Variants in EPHA8 observed in about 807,000 individuals in gnomAD.
The protein encoded by EPHA8 is ephrin type-A receptor 8.
In EPHA8, 58 loss-of-function variants were observed where a neutral mutation model predicts 103.6. The observed-to-expected ratio is 0.56, with a 90% CI of 0.45 to 0.70. The LOEUF (loss-of-function observed/expected upper bound fraction) is 0.70. Ranked by LOEUF, EPHA8 falls within the 30% of genes least tolerant of loss-of-function variation. The probability of loss-of-function intolerance (pLI) is 0.00; values close to 1 mark genes in which losing one functional copy is unlikely to be tolerated. For synonymous variants in EPHA8, 559 were observed against 572.5 expected (o/e 0.98, Z 0.34); for missense variants, 1,304 against 1,395.2 (o/e 0.93, Z 1.04).
intron 3 of EPHA8, among the ~76,000 whole-genome samples, chr1:22,584,092 C>T (rs1363333919): frequency 6.6e-6 from 1 of 152,252 alleles, no homozygotes; most frequent in East Asian, 1.9e-4. Context: ...GTGAGGATTA[C>T]TGTCATTCAG....
chr1:22,579,947 C>A (rs1041136382), intron 3 of EPHA8, among the ~76,000 whole-genome samples: 1 of 151,980 alleles, frequency 6.6e-6, no homozygotes, highest in Non-Finnish European at 1.5e-5. Flanking sequence ...GGCCCCTGAG[C>A]GCTAATAGGA....
intron 16 of EPHA8, 44 bp from the exon 17 acceptor site, chr1:22,601,583 C>T (rs1168412218): frequency 1.9e-6 from 3 of 1,582,514 alleles, no homozygotes; most frequent in Non-Finnish European, 1.7e-6. Flanking sequence ...GCGCGGCTCC[C>T]AGCCTCCCAG....
chr1:22,601,662 A>C lies in EPHA8; in HGVS notation c.2939A>C (p.His980Pro). ...GCCCTGGGCATCACCCTCATGGGCC[A>C]CCAGAAGAAGATCCTGGGCAGCATT... ...VRALGITLMG[H>P]QKKILGSIQT... Residue 980 changes from histidine to proline, a missense_variant, in exon 17 of 17, where the codon CAC (histidine) becomes CCC (proline). His to Pro is a moderately conservative substitution (Grantham distance 77). Coordinates refer to ENST00000166244, the MANE Select transcript of EPHA8 (RefSeq NM_020526.5). 6.3e-7 allele frequency: 1 copy of C among 1,595,366 alleles called. No homozygotes were observed. Among genetic ancestry groups the C allele is most frequent in the Non-Finnish European group, 8.5e-7 (1 of 1,171,142 alleles).
At chr1:22,583,113 G>A (rs908101203) in intron 3 of EPHA8, among the ~76,000 whole-genome samples, 1 of 152,214 alleles carries the variant, frequency 6.6e-6, no homozygotes, top group Non-Finnish European at 1.5e-5. Flanking sequence ...TGGGCAAGGT[G>A]CCCTCAGCAG....
At position 22,598,960 on chromosome 1, in the gene EPHA8, G is replaced by A. The variant is rs748197895; in HGVS notation, c.2301G>A (p.Leu767=). The A allele has an allele frequency of 8.2e-5, 132 of 1,611,360 alleles. 1 individual carries two copies. In the South Asian group the frequency reaches 1.3e-3, roughly 16 times the overall value. ...VHRDLAARNV[L]VDSNLVCKVS... is the part of the protein sequence containing the mutation. ...GAGACCTGGCCGCCCGCAACGTCCT[G>A]GTTGACAGCAACCTGGTCTGCAAGG... The change falls in exon 13 of 17, where the codon CTG becomes CTA. Residue 767 remains leucine (L), a synonymous_variant. Coordinates refer to ENST00000166244, the MANE Select transcript of EPHA8 (RefSeq NM_020526.5). The surrounding 1 kb of genome is among the most constrained non-coding windows in gnomAD (Gnocchi z 5.1).
chr1:22,597,252 A>C lies in EPHA8; in HGVS notation c.1766-60A>C. The C allele has an allele frequency of 5.1e-5, 66 of 1,287,416 alleles. No homozygotes were observed. Among genetic ancestry groups the C allele is most frequent in the Non-Finnish European group, 5.2e-5 (48 of 922,978 alleles). The allele number at this position is 1,287,416 out of a possible 1,614,324, so 79.7% of individuals were successfully genotyped here. ...CCCCAGACCCATCCCAGGCCCAGGG[A>C]ATGTCAGGAAAAAGCAATCTCTCCT... On this transcript the variant is annotated intron_variant, in intron 9 of 16. Coordinates refer to ENST00000166244, the MANE Select transcript of EPHA8 (RefSeq NM_020526.5). This position sits in a 1 kb window ranked among gnomAD's most constrained non-coding sequence, Gnocchi z 4.6.
At position 22,597,111 on chromosome 1, in the gene EPHA8, G is replaced by T. The variant is rs1168398214; in HGVS notation, c.1766-201G>T. Among the ~76,000 whole-genome samples, 9 of 152,088 alleles carry T rather than the reference G, an allele frequency of 5.9e-5. No homozygotes were observed. The highest frequency in any genetic ancestry group is 9.7e-5 in the African/African-American group (4 of 41,416). On this transcript the variant is annotated intron_variant, in intron 9 of 16. Transcript: ENST00000166244. The surrounding 1 kb of genome is among the most constrained non-coding windows in gnomAD (Gnocchi z 4.6). ...CCCAGAACTCACTGGAGACTCCACA[G>T]CCCCATAGAAACCCCAGAGCGACTC...
chr1:22,575,962 A>G (rs1640677900), intron 2 of EPHA8, among the ~76,000 whole-genome samples: 1 of 151,992 alleles, frequency 6.6e-6, no homozygotes, highest in Admixed American at 6.6e-5. Context: ...CGATAATGAC[A>G]TGACCTCAGA....
chr1:22,583,486 G>C (rs917886995), intron 3 of EPHA8, among the ~76,000 whole-genome samples: 1 of 152,130 alleles, frequency 6.6e-6, no homozygotes, highest in Non-Finnish European at 1.5e-5. Context: ...AGGCTCCCCC[G>C]CCTGACTGCA....
intron 3 of EPHA8, 102 bp from the exon 4 acceptor site, chr1:22,586,378 C>T (rs1205935187): frequency 7.7e-6 from 11 of 1,435,306 alleles, no homozygotes; most frequent in Non-Finnish European, 1.0e-5. Context: ...CTCCATCCCT[C>T]TGGGGCACCC....
chr1:22,578,884 CGT>C (rs1640921609), intron 3 of EPHA8, among the ~76,000 whole-genome samples: 4 of 135,034 alleles, frequency 3.0e-5, no homozygotes, highest in Admixed American at 2.9e-4. Context: ...TCCGTGTGTC[CGT>C]GTGTGCATGT....
At chr1:22,564,228 C>G (rs895827473) in intron 1 of EPHA8, among the ~76,000 whole-genome samples, 2 of 151,448 alleles carry the variant, frequency 1.3e-5, no homozygotes, top group Non-Finnish European at 2.9e-5. Context: ...AGATAGGAGC[C>G]AGGCGCTGAG....
chr1:22,589,139 TG>T lies in EPHA8; in HGVS notation c.1250del (p.Gly417AlafsTer5). 1 of 1,613,900 alleles carries T rather than the reference TG, an allele frequency of 6.2e-7. No homozygotes were observed. Among genetic ancestry groups the T allele is most frequent in the Non-Finnish European group, 8.5e-7 (1 of 1,180,004 alleles). On this transcript the variant is annotated frameshift_variant, in exon 5 of 17. Coordinates refer to ENST00000166244, the MANE Select transcript of EPHA8 (RefSeq NM_020526.5). LOFTEE classifies it high-confidence loss of function. The surrounding 1 kb of genome is among the most constrained non-coding windows in gnomAD (Gnocchi z 4.3). The stretch of plus-strand genomic sequence containing the variant: ...ACTCCTTCTGGATCGAGGCCGTCAA[TG>T]GCGTGTCCGACCTGAGCCCCGAGCC... Reference protein sequence around the residue: ...NYSFWIEAVNGVSDLSPEPRR... With the variant: ...NYSFWIEAVNXVSDLSPEPRR...
At chr1:22,572,304 C>T (rs1467574744) in intron 2 of EPHA8, among the ~76,000 whole-genome samples, 3 of 152,250 alleles carry the variant, frequency 2.0e-5, no homozygotes, top group Admixed American at 1.3e-4. Context: ...TTACTTACTT[C>T]GCCTCCACCT....
chr1:22,578,739 A>G (rs1384019781), intron 3 of EPHA8, among the ~76,000 whole-genome samples: 1 of 145,352 alleles, frequency 6.9e-6, no homozygotes, highest in Non-Finnish European at 1.5e-5. Flanking sequence ...GTGCAAGTGT[A>G]TGTACGGATT....
chr1:22,585,769 G>C (rs1471797639), intron 3 of EPHA8, among the ~76,000 whole-genome samples: 1 of 152,214 alleles, frequency 6.6e-6, no homozygotes, highest in African/African-American at 2.4e-5. Context: ...GACGGGGACA[G>C]TGACAGTGTG....
chr1:22,582,330 G>T (rs1335065185), intron 3 of EPHA8, among the ~76,000 whole-genome samples: 1 of 152,228 alleles, frequency 6.6e-6, no homozygotes, highest in African/African-American at 2.4e-5. Flanking sequence ...AGCAGGGGTT[G>T]AGAGCCTGAG....
chr1:22,570,274 A>G (rs1420151159), intron 2 of EPHA8, among the ~76,000 whole-genome samples: 6 of 151,986 alleles, frequency 3.9e-5, no homozygotes, highest in Non-Finnish European at 5.9e-5. Flanking sequence ...ATGTACACAC[A>G]CATGCACGCG....
Position 22,593,584 on chromosome 1 carries a change from G to A in EPHA8, c.1501G>A (p.Gly501Ser), listed in dbSNP as rs746428281. The change falls in exon 7 of 17, where the codon GGC becomes AGC. Residue 501 changes from glycine to serine, a missense_variant. Gly to Ser is a moderately conservative substitution (Grantham distance 56, BLOSUM62 0). Transcript: ENST00000166244. ...CGTCACCACCAGAGCCACCGTCTCC[G>A]GCCTCAAGCCGGGCACCCGCTACGT... ...KAVTTRATVS[G>S]LKPGTRYVFQ... The A allele has an allele frequency of 4.3e-6, 7 of 1,612,014 alleles. No individual in the cohort carries two copies. Among genetic ancestry groups the A allele is most frequent in the South Asian group, 2.2e-5 (2 of 90,916 alleles).
Sources: gnomAD v4.1 joint callset for allele counts (sites outside exome capture counted in the v4.1 genomes callset) on GRCh38, gnomAD v4.1.1 for gene constraint, Gnocchi (gnomAD v3.1) non-coding constraint, MANE v1.5 for transcripts, NCBI Gene and HGNC (gene_info 2026-07-23, HGNC 2026-07-21) for gene names.